PREX1: variants seen among roughly 807,000 people sequenced by gnomAD.
PREX1 encodes phosphatidylinositol-3,4,5-trisphosphate dependent Rac exchange factor 1, also known as phosphatidylinositol 3,4,5-trisphosphate-dependent Rac exchanger 1 protein.
PREX1 carries 41 observed loss-of-function variants against 198.3 expected under a neutral mutation model. The ratio of observed to expected loss-of-function variants is 0.21; its 90% confidence interval spans 0.16 to 0.27. The LOEUF (loss-of-function observed/expected upper bound fraction) is 0.27, where lower values mean the gene tolerates loss of function less well. Ranked by LOEUF, PREX1 falls within the 10% of genes least tolerant of loss-of-function variation. The pLI is 1.00. For missense variants in PREX1, 1,620 were observed against 2,200.7 expected (o/e 0.74, Z 5.28); for synonymous variants, 843 against 887.2 (o/e 0.95, Z 0.89).
chr20:48,658,234 G>A lies in PREX1; in HGVS notation c.1882-6C>T, dbSNP rs2277782. On this transcript the variant is annotated splice_polypyrimidine_tract_variant and splice_region_variant and intron_variant, in intron 16 of 39. Coordinates refer to ENST00000371941, the MANE Select transcript of PREX1 (RefSeq NM_020820.4). The stretch of plus-strand genomic sequence containing the variant: ...TCCTCCTCCTGGGGCAGGATCTGGG[G>A]GCCCAGGGCAGAAGGAACCCGGTCA... The A allele has an allele frequency of 7.8e-4, 1,260 of 1,613,850 alleles. 14 individuals are homozygous for A. In the East Asian group the frequency reaches 0.024, roughly 31 times the overall value.
At position 48,734,338 on chromosome 20, in the gene PREX1, G is replaced by A. The variant is rs921896953; in HGVS notation, c.519+208C>T. On this transcript the variant is annotated intron_variant, in intron 4 of 39. Coordinates refer to ENST00000371941, the MANE Select transcript of PREX1 (RefSeq NM_020820.4). ...ACAATGGCATGAGCTGAGTCGTGGTGACAGAAACTGTATGGTACGCAGAGC... is the reference window on the plus strand; with the variant it reads ...ACAATGGCATGAGCTGAGTCGTGGTAACAGAAACTGTATGGTACGCAGAGC... Among the ~76,000 whole-genome samples, 3 of 152,178 alleles carry A rather than the reference G, an allele frequency of 2.0e-5. No individual in the cohort carries two copies. The South Asian group carries it at 6.2e-4, about 32-fold the overall frequency.
intron 27 of PREX1, 23 bp downstream of exon 27, chr20:48,644,386 C>T: frequency 6.3e-7 from 1 of 1,593,560 alleles, no homozygotes; most frequent in Non-Finnish European, 8.6e-7. Context: ...TCCCTGAGCA[C>T]AGGCCGCTGC....
rs182801828 is a variant in PREX1, at chr20:48,680,416, G to A, written c.1436-662C>T. On this transcript the variant is annotated intron_variant, in intron 11 of 39. Coordinates refer to ENST00000371941, the MANE Select transcript of PREX1 (RefSeq NM_020820.4). ...TCGTCCAAGCAGGTCTTTCCTCTAC[G>A]CAGAGCTCAGCAACAGCTTCATAGC... 7.2e-5 allele frequency among the ~76,000 whole-genome samples: 11 copies of A among 152,202 alleles called. No homozygotes were observed. In the East Asian group the frequency reaches 1.9e-3, roughly 27 times the overall value.
At chr20:48,744,367 A>C (rs1411937807) in intron 3 of PREX1, among the ~76,000 whole-genome samples, 1 of 152,158 alleles carries the variant, frequency 6.6e-6, no homozygotes, top group Non-Finnish European at 1.5e-5. Flanking sequence ...TTACAGGAGG[A>C]AATAGAGGCT....
chr20:48,803,364 G>A (rs987123603), intron 1 of PREX1, among the ~76,000 whole-genome samples: 2 of 152,110 alleles, frequency 1.3e-5, no homozygotes, highest in Non-Finnish European at 2.9e-5. Flanking sequence ...GGGGGAGGGA[G>A]AACAGGGAGA....
In PREX1 at chr20:48,636,537, G is replaced by A. The variant is rs779961704; in HGVS notation, c.4093C>T (p.Arg1365Cys). Residue 1365 changes from arginine to cysteine, a missense_variant, in exon 32 of 40, where the codon CGC becomes TGC. By Grantham distance (180) the Arg-to-Cys change is radical. This residue lies in a region of PREX1 where 476 missense variants were observed against 603.4 expected (regional missense o/e 0.79). Coordinates refer to ENST00000371941, the MANE Select transcript of PREX1 (RefSeq NM_020820.4). ...GCCGCCACCTGCTCCAGCCACTTGC[G>A]GCTGGCGTCGCGGCTGCTCTCCTCG... Reference protein sequence around the residue: ...EYEESSRDASRKWLEQVAATG... With the variant: ...EYEESSRDASCKWLEQVAATG... 30 of 1,611,338 alleles carry A rather than the reference G, an allele frequency of 1.9e-5. No homozygotes were observed. The highest frequency in any genetic ancestry group is 3.3e-5 in the Admixed American group (2 of 59,964).
rs756873546 is a variant in PREX1 at position 48,651,026 on chromosome 20, G to A, written c.2685C>T (p.Ser895=). The A allele has an allele frequency of 2.4e-5, 39 of 1,614,024 alleles. No homozygotes were observed. Among genetic ancestry groups the A allele is most frequent in the Admixed American group, 1.0e-4 (6 of 60,008 alleles). The change falls in exon 23 of 40, where the codon AGC becomes AGT. Residue 895 remains serine, a synonymous_variant. Transcript: ENST00000371941. ...KILEAFAAND[S]VFVENCRRLM... ...GCCGCCTGCAGTTCTCCACGAAGAC[G>A]CTGTCATTGGCAGCAAAGGCCTCGA...
intron 33 of PREX1, 74 bp downstream of exon 33, chr20:48,634,602 G>T: frequency 6.8e-7 from 1 of 1,481,332 alleles, no homozygotes; most frequent in Admixed American, 1.7e-5. Flanking sequence ...GGAAGGACAG[G>T]GTGACCCCAG....
chr20:48,686,984 G>T (rs774395247), intron 10 of PREX1, among the ~76,000 whole-genome samples: 1 of 151,932 alleles, frequency 6.6e-6, no homozygotes, highest in Non-Finnish European at 1.5e-5. Context: ...CTGCCTCCCC[G>T]CCTCTTCCTC....
intron 12 of PREX1, 68 bp downstream of exon 12, chr20:48,679,583 G>T: frequency 6.7e-7 from 1 of 1,487,016 alleles, no homozygotes; most frequent in Non-Finnish European, 9.4e-7. Context: ...GGCCTGCTCT[G>T]AGGCGAACCC....
the PREX1 span, among the ~76,000 whole-genome samples, chr20:48,843,303 C>T: frequency 6.6e-6 from 1 of 152,142 alleles, no homozygotes; most frequent in East Asian, 1.9e-4. Context: ...GAGTGTAACT[C>T]AGAAGGCTGT....
intron 29 of PREX1, among the ~76,000 whole-genome samples, chr20:48,641,854 GGA>G (rs1568796618): frequency 5.4e-4 from 31 of 57,412 alleles, no homozygotes; most frequent in African/African-American, 1.4e-3. Context: ...AAGGAAGGAA[GGA>G]AGGAAGGAAG....
chr20:48,785,237 A>T (rs2090306764), intron 1 of PREX1, among the ~76,000 whole-genome samples: 1 of 152,178 alleles, frequency 6.6e-6, no homozygotes, highest in Non-Finnish European at 1.5e-5. Flanking sequence ...ATTTCGATGA[A>T]GCATATTTTT....
At chr20:48,656,868 G>C (rs116346471) in intron 18 of PREX1, among the ~76,000 whole-genome samples, 172 bp downstream of exon 18, 4,088 of 152,266 alleles carry the variant, frequency 0.027, 215 homozygotes, top group African/African-American at 0.093. Context: ...ACCAAGCACA[G>C]AGTGGCACTC....
At chr20:48,723,035 G>GA (rs1349133470) in intron 5 of PREX1, among the ~76,000 whole-genome samples, 1 of 152,262 alleles carries the variant, frequency 6.6e-6, no homozygotes, top group East Asian at 1.9e-4. Context: ...AACAAAGCCT[G>GA]AAATGCCAAC....
rs116498891 is a variant in PREX1, at chr20:48,806,932, A to G, written c.219+20710T>C. The stretch of plus-strand genomic sequence containing the variant: ...ATAAGAGTAGCAGGAATGGCTTCTC[A>G]GAAGAGGTATAGGGACAGTTCAAAG... On this transcript the variant is annotated intron_variant, in intron 1 of 39. Transcript: ENST00000371941. 8.1e-3 allele frequency among the ~76,000 whole-genome samples: 1,231 copies of G among 152,316 alleles called. 19 individuals carry two copies. Among genetic ancestry groups the G allele is most frequent in the African/African-American group, 0.028 (1,159 of 41,562 alleles).
intron 15 of PREX1, 46 bp from the exon 16 acceptor site, chr20:48,660,107 A>T: frequency 1.9e-6 from 3 of 1,604,696 alleles, no homozygotes; most frequent in Non-Finnish European, 2.6e-6. Context: ...TCACAGGGAA[A>T]GTTTCAGCCA....
At chr20:48,780,358 C>T (rs2090283013) in intron 1 of PREX1, among the ~76,000 whole-genome samples, 1 of 152,110 alleles carries the variant, frequency 6.6e-6, no homozygotes, top group Non-Finnish European at 1.5e-5. Context: ...TGGCTCACAC[C>T]TATAATCCCA....
chr20:48,627,335 C>A (rs1009333208), intron 39 of PREX1, among the ~76,000 whole-genome samples: 2 of 150,188 alleles, frequency 1.3e-5, no homozygotes, highest in African/African-American at 4.9e-5. Flanking sequence ...CACCGCCTCA[C>A]GGCACACCTG....
Sources: gnomAD v4.1 joint callset for allele counts (sites outside exome capture counted in the v4.1 genomes callset) on GRCh38, gnomAD v4.1.1 for gene constraint, gnomAD v4.1.1 regional missense constraint, MANE v1.5 for transcripts, NCBI Gene and HGNC (gene_info 2026-07-23, HGNC 2026-07-21) for gene names.